The following MTSS1 variants were observed in gnomAD, a reference collection of about 807,000 sequenced individuals.
MTSS1 encodes the protein MTSS I-BAR domain containing 1, also known as protein MTSS 1.
MTSS1 carries 18 observed loss-of-function variants against 79.0 expected under a neutral mutation model. The ratio of observed to expected loss-of-function variants is 0.23; its 90% CI spans 0.16 to 0.34. The LOEUF (loss-of-function observed/expected upper bound fraction) is 0.34, where lower values mean the gene tolerates loss of function less well. Ranked by LOEUF, MTSS1 falls within the 10% of genes least tolerant of loss-of-function variation. MTSS1 has a pLI of 1.00. For synonymous variants in MTSS1, 341 were observed against 368.6 expected, an observed-to-expected ratio of 0.93 and a Z score of 0.86; for missense variants, 815 against 986.2, an observed-to-expected ratio of 0.83 and a Z score of 2.33.
At chr8:124,644,480 G>T (rs1818645667) in intron 3 of MTSS1, among the ~76,000 whole-genome samples, 5 of 152,194 alleles carry the variant, frequency 3.3e-5, no homozygotes. Context: ...TTTGAGTTCT[G>T]AGCTGTCTGA....
intron 3 of MTSS1, among the ~76,000 whole-genome samples, chr8:124,604,262 G>A (rs1337278704): frequency 6.6e-6 from 1 of 151,968 alleles, no homozygotes; most frequent in African/African-American, 2.4e-5. Flanking sequence ...ACCGTTTCAA[G>A]AAAGTTGATG....
At chr8:124,572,703 C>T (rs902418301) in intron 6 of MTSS1, among the ~76,000 whole-genome samples, 8 of 151,802 alleles carry the variant, frequency 5.3e-5, no homozygotes, top group Admixed American at 2.6e-4. Context: ...TGGACTAGCT[C>T]GCCCAGAGCA....
At chr8:124,680,051 G>T (rs2134936803) in intron 3 of MTSS1, among the ~76,000 whole-genome samples, 1 of 151,898 alleles carries the variant, frequency 6.6e-6, no homozygotes, top group African/African-American at 2.4e-5. Flanking sequence ...GTTAAATCAG[G>T]TTCTCTTGAT....
At position 124,683,197 on chromosome 8, in the gene MTSS1, T is replaced by C. The variant is rs1336480483; in HGVS notation, c.208+16329A>G. 8.5e-5 allele frequency among the ~76,000 whole-genome samples: 13 copies of C among 152,116 alleles called. No homozygotes were observed. The highest frequency in any genetic ancestry group is 3.1e-4 in the African/African-American group (13 of 41,412). On this transcript the variant is annotated intron_variant, in intron 3 of 13. Transcript: ENST00000518547. The surrounding 1 kb of genome is among the most constrained non-coding windows in gnomAD (Gnocchi z 4.5). The stretch of plus-strand genomic sequence containing the variant: ...AAAAGTTTCTTATACACAAATGTTT[T>C]AACGTTTAATGTGTAATGTTTAACA...
intron 1 of MTSS1, among the ~76,000 whole-genome samples, chr8:124,722,137 C>T (rs1470578024): frequency 5.9e-5 from 9 of 151,372 alleles, no homozygotes; most frequent in African/African-American, 2.2e-4. Flanking sequence ...TTTTTTTTCA[C>T]CCACTTACAT....
At chr8:124,709,083 G>A (rs1368358902) in intron 1 of MTSS1, among the ~76,000 whole-genome samples, 2 of 152,098 alleles carry the variant, frequency 1.3e-5, no homozygotes, top group African/African-American at 4.8e-5. Context: ...AAGCTTAGAG[G>A]AAGTAAGAAA....
intron 3 of MTSS1, among the ~76,000 whole-genome samples, chr8:124,611,739 C>T (rs999583552): frequency 6.6e-6 from 1 of 152,158 alleles, no homozygotes; most frequent in Non-Finnish European, 1.5e-5. Flanking sequence ...AAAGGAAATA[C>T]CCTGTTTTTA....
At chr8:124,700,524 A>G (rs1829559348) in intron 2 of MTSS1, among the ~76,000 whole-genome samples, 1 of 152,234 alleles carries the variant, frequency 6.6e-6, no homozygotes, top group South Asian at 2.1e-4. Context: ...TTATAATGAA[A>G]CTGAGATACT....
chr8:124,720,213 A>G (rs1263718137), intron 1 of MTSS1, among the ~76,000 whole-genome samples: 1 of 152,226 alleles, frequency 6.6e-6, no homozygotes, highest in Admixed American at 6.5e-5. Flanking sequence ...AGGCTGTGTC[A>G]AGGAAGCCTG....
intron 1 of MTSS1, among the ~76,000 whole-genome samples, chr8:124,717,175 C>T (rs998192499): frequency 4.6e-5 from 7 of 152,236 alleles, no homozygotes; most frequent in African/African-American, 1.4e-4. Flanking sequence ...CTCTGCGAGG[C>T]CCGCCCCTAA....
chr8:124,656,781 C>CAAAAAAAAAA (rs59332225), intron 3 of MTSS1, among the ~76,000 whole-genome samples: 1 of 51,654 alleles, frequency 1.9e-5, no homozygotes, highest in African/African-American at 5.7e-5. Flanking sequence ...GACTCCATCT[C>CAAAAAAAAAA]AAAAAAAAAA....
chr8:124,632,204 A>C (rs562727239), intron 3 of MTSS1, among the ~76,000 whole-genome samples: 5 of 147,366 alleles, frequency 3.4e-5, no homozygotes, highest in Non-Finnish European at 7.4e-5. Flanking sequence ...CCTTGAGCTT[A>C]GGAGTTCAAG....
intron 3 of MTSS1, among the ~76,000 whole-genome samples, chr8:124,648,711 C>T (rs914008306): frequency 6.7e-6 from 1 of 149,076 alleles, no homozygotes; most frequent in Non-Finnish European, 1.5e-5. Context: ...AAATAGCAGC[C>T]CCCCCCCAGA....
intron 5 of MTSS1, among the ~76,000 whole-genome samples, chr8:124,586,760 C>T (rs907213343): frequency 7.9e-5 from 12 of 152,154 alleles, no homozygotes; most frequent in Non-Finnish European, 1.5e-4. Context: ...GTATGCAGGC[C>T]GGACAATGGG....
At chr8:124,642,844 C>A (rs2134019188) in intron 3 of MTSS1, among the ~76,000 whole-genome samples, 1 of 152,308 alleles carries the variant, frequency 6.6e-6, no homozygotes, top group Non-Finnish European at 1.5e-5. Context: ...GTGCCTGCCT[C>A]AGCCTCCCAA....
chr8:124,580,691 C>T (rs1298470176), intron 6 of MTSS1: 1 of 1,096,896 alleles, frequency 9.1e-7, no homozygotes, highest in East Asian at 2.6e-5. Flanking sequence ...CAGTCCATGG[C>T]TCGCCACCAA....
chr8:124,593,351 C>T (rs534360776), intron 3 of MTSS1, among the ~76,000 whole-genome samples: 198 of 152,294 alleles, frequency 1.3e-3, no homozygotes, highest in African/African-American at 4.5e-3. Flanking sequence ...AATGTGGTAG[C>T]GTCTATCAAG....
intron 10 of MTSS1, chr8:124,558,828 G>A (rs767086115): frequency 2.3e-5 from 36 of 1,558,560 alleles, no homozygotes; most frequent in Non-Finnish European, 3.0e-5. Context: ...CGAGCTGGAC[G>A]AGTTCTGCAG....
intron 3 of MTSS1, among the ~76,000 whole-genome samples, chr8:124,645,273 C>T (rs1470669397): frequency 2.0e-5 from 3 of 152,056 alleles, no homozygotes; most frequent in Admixed American, 2.0e-4. Context: ...ACCTGTAGTC[C>T]TAGTAGCTAC....
Sources: gnomAD v4.1 joint callset for allele counts (sites outside exome capture counted in the v4.1 genomes callset) on GRCh38, gnomAD v4.1.1 for gene constraint, Gnocchi (gnomAD v3.1) non-coding constraint, MANE v1.5 for transcripts, NCBI Gene and HGNC (gene_info 2026-07-23, HGNC 2026-07-21) for gene names.